The following WDFY2 variants were observed in gnomAD, a reference collection of about 807,000 sequenced individuals.
WDFY2 encodes WD repeat and FYVE domain-containing protein 2.
Under a neutral mutation model 56.4 loss-of-function variants are expected in WDFY2, and 36 were observed. That is an observed-to-expected ratio of 0.64 (90% CI 0.49 to 0.84). WDFY2 has a LOEUF of 0.84. Among genes scored for constraint, WDFY2 ranks in the 40% least tolerant of loss-of-function variants. The pLI, the probability that WDFY2 is intolerant of heterozygous loss-of-function variation, is 0.00. For missense variants in WDFY2, 444 were observed against 512.2 expected, an observed-to-expected ratio of 0.87 and a Z score of 1.29; for synonymous variants, 176 against 183.7, an observed-to-expected ratio of 0.96 and a Z score of 0.34.
intron 1 of WDFY2, among the ~76,000 whole-genome samples, chr13:51,613,677 C>G (rs1954547593): frequency 6.6e-6 from 1 of 151,890 alleles, no homozygotes. Flanking sequence ...TCCTTCTTAG[C>G]TGTGATTTTT....
At chr13:51,660,500 C>G (rs1289492343) in intron 1 of WDFY2, 96 bp from the exon 2 acceptor site, 3 of 1,227,070 alleles carry the variant, frequency 2.4e-6, no homozygotes, top group Non-Finnish European at 2.3e-6. Context: ...CCTGGCCTCT[C>G]TATATATAAT....
chr13:51,701,827 A>G (rs1187708112), intron 3 of WDFY2, among the ~76,000 whole-genome samples: 1 of 152,146 alleles, frequency 6.6e-6, no homozygotes, highest in Non-Finnish European at 1.5e-5. Context: ...TTGGCCAGAT[A>G]ACAATTGTCT....
At chr13:51,622,576 T>G (rs932188999) in intron 1 of WDFY2, among the ~76,000 whole-genome samples, 2 of 152,256 alleles carry the variant, frequency 1.3e-5, no homozygotes, top group African/African-American at 2.4e-5. Context: ...GGAGGGCAGA[T>G]TCCCTCTGTA....
At chr13:51,727,137 A>T (rs1040358981) in intron 5 of WDFY2, among the ~76,000 whole-genome samples, 2 of 152,136 alleles carry the variant, frequency 1.3e-5, no homozygotes, top group African/African-American at 2.4e-5. Flanking sequence ...TCATTTTTTT[A>T]AATTCATCTT....
chr13:51,663,582 C>G (rs1168529203), intron 2 of WDFY2, among the ~76,000 whole-genome samples: 1 of 152,130 alleles, frequency 6.6e-6, no homozygotes, highest in African/African-American at 2.4e-5. Context: ...AATAATTGAC[C>G]TGGGCAAGAA....
At chr13:51,639,927 A>T (rs976495664) in intron 1 of WDFY2, among the ~76,000 whole-genome samples, 2 of 152,318 alleles carry the variant, frequency 1.3e-5, no homozygotes, top group African/African-American at 4.8e-5. Context: ...CTTTTAAAAA[A>T]TTTCTAGCAG....
intron 2 of WDFY2, 76 bp downstream of exon 2, chr13:51,660,739 G>T: frequency 7.7e-7 from 1 of 1,305,724 alleles, no homozygotes; most frequent in Non-Finnish European, 1.1e-6. Context: ...TTCTTCTTAA[G>T]TAGAGAAGAC....
At chr13:51,745,738 TAAAA>T (rs34880965) in intron 7 of WDFY2, among the ~76,000 whole-genome samples, 220 of 86,330 alleles carry the variant, frequency 2.5e-3, no homozygotes, top group African/African-American at 9.1e-3. Flanking sequence ...ATCCTTCATT[TAAAA>T]AAAAAAAAAA....
At chr13:51,718,693 TG>T (rs962511078) in intron 4 of WDFY2, among the ~76,000 whole-genome samples, 1 of 152,194 alleles carries the variant, frequency 6.6e-6, no homozygotes, top group African/African-American at 2.4e-5. Flanking sequence ...TGAAAGAAAG[TG>T]TTCATCTAGA....
intron 3 of WDFY2, among the ~76,000 whole-genome samples, chr13:51,678,525 G>T (rs1310779350): frequency 7.2e-5 from 11 of 152,152 alleles, no homozygotes; most frequent in Admixed American, 7.2e-4. Context: ...AGTTTAACTT[G>T]TCTTGACCTT....
At chr13:51,743,388 T>C (rs1283583829) in intron 7 of WDFY2, among the ~76,000 whole-genome samples, 3 of 152,180 alleles carry the variant, frequency 2.0e-5, no homozygotes, top group Admixed American at 2.0e-4. Context: ...TCAGTTTTCT[T>C]ATCTCTAAAA....
chr13:51,745,741 A>T (rs1387674533), intron 7 of WDFY2, among the ~76,000 whole-genome samples: 2 of 107,152 alleles, frequency 1.9e-5, no homozygotes, highest in East Asian at 5.3e-4. Flanking sequence ...CTTCATTTAA[A>T]AAAAAAAAAA....
At chr13:51,657,087 T>C (rs1431766600) in intron 1 of WDFY2, among the ~76,000 whole-genome samples, 4 of 152,054 alleles carry the variant, frequency 2.6e-5, no homozygotes, top group Non-Finnish European at 5.9e-5. Flanking sequence ...CTACGTTTGA[T>C]TTTTTCTCAT....
chr13:51,630,758 C>G (rs77932922), intron 1 of WDFY2, among the ~76,000 whole-genome samples: 1 of 147,980 alleles, frequency 6.8e-6, no homozygotes, highest in East Asian at 2.0e-4. Context: ...TTTTTTTTTT[C>G]AAGTTTTTCT....
chr13:51,610,239 TG>T (rs1954471231), intron 1 of WDFY2, among the ~76,000 whole-genome samples: 1 of 144,366 alleles, frequency 6.9e-6, no homozygotes, highest in Admixed American at 7.2e-5. Flanking sequence ...CTTATTTGAC[TG>T]TTTTTTTTTT....
chr13:51,681,948 T>C (rs1955983825), intron 3 of WDFY2, among the ~76,000 whole-genome samples: 1 of 152,190 alleles, frequency 6.6e-6, no homozygotes, highest in Non-Finnish European at 1.5e-5. Flanking sequence ...AGTACCTACA[T>C]GTTATCTAAA....
At chr13:51,641,853 A>AT (rs1955173089) in intron 1 of WDFY2, among the ~76,000 whole-genome samples, 4 of 147,768 alleles carry the variant, frequency 2.7e-5, no homozygotes, top group Admixed American at 1.3e-4. Flanking sequence ...AAAAAAAAAA[A>AT]ATATTTTGTC....
intron 6 of WDFY2, among the ~76,000 whole-genome samples, chr13:51,736,221 A>C (rs1952832102): frequency 6.6e-6 from 1 of 152,162 alleles, no homozygotes; most frequent in South Asian, 2.1e-4. Flanking sequence ...TATATATATT[A>C]ACCCAATTAA....
At chr13:51,751,047 G>C (rs1462765627) in intron 7 of WDFY2, among the ~76,000 whole-genome samples, 1 of 152,132 alleles carries the variant, frequency 6.6e-6, no homozygotes, top group African/African-American at 2.4e-5. Flanking sequence ...TCAACAATCA[G>C]CTTTTTTCCT....
Sources: gnomAD v4.1 joint callset for allele counts (sites outside exome capture counted in the v4.1 genomes callset) on GRCh38, gnomAD v4.1.1 for gene constraint, MANE v1.5 for transcripts, NCBI Gene and HGNC (gene_info 2026-07-23, HGNC 2026-07-21) for gene names.